Variants in PPEF1 observed in about 807,000 individuals in gnomAD.
The protein encoded by PPEF1 is protein phosphatase with EF-hand domain 1, also known as serine/threonine-protein phosphatase with EF-hands 1.
In PPEF1, 12 loss-of-function variants were observed where a neutral mutation model predicts 53.3. That is an observed-to-expected ratio of 0.23 (90% CI 0.14 to 0.36). The LOEUF is 0.36. Ranked by LOEUF, PPEF1 falls within the 10% of genes least tolerant of loss-of-function variation. The probability of loss-of-function intolerance (pLI) is 1.00; values close to 1 mark genes in which losing one functional copy is unlikely to be tolerated. For missense variants in PPEF1, 334 were observed against 490.4 expected, an observed-to-expected ratio of 0.68 and a Z score of 3.01; for synonymous variants, 165 against 176.7, an observed-to-expected ratio of 0.93 and a Z score of 0.52.
At chrX:18,767,738 A>C (rs1453240371) in intron 6 of PPEF1, among the ~76,000 whole-genome samples, 1 of 111,495 alleles carries the variant, frequency 9.0e-6, no homozygotes, top group African/African-American at 3.3e-5. Flanking sequence ...AGAGAGCATG[A>C]AGAAAGAGAA....
rs182014865 is a variant in PPEF1 at position 18,814,089 on chromosome X, A to G, written c.1395-3950A>G. 7.8e-4 allele frequency among the ~76,000 whole-genome samples: 87 copies of G among 111,473 alleles called. 1 individual carries two copies. The Middle Eastern group carries it at 0.014, about 18-fold the overall frequency. ...AGCTCCCACTTAAAAGTGAGAACATATGGCATTTGGTTTTCTGTTCCTATG... is the reference window on the plus strand; with the variant it reads ...AGCTCCCACTTAAAAGTGAGAACATGTGGCATTTGGTTTTCTGTTCCTATG... On this transcript the variant is annotated intron_variant, in intron 12 of 15. Coordinates refer to ENST00000470157, the MANE Select transcript of PPEF1 (RefSeq NM_001377996.1).
intron 1 of PPEF1, among the ~76,000 whole-genome samples, chrX:18,710,609 A>C (rs950294055): frequency 8.9e-6 from 1 of 112,038 alleles, no homozygotes; most frequent in African/African-American, 3.2e-5. Flanking sequence ...GGTAAATGCA[A>C]ATTGAAACCA....
At chrX:18,702,883 C>T (rs111535880), upstream of PPEF1, among the ~76,000 whole-genome samples, 1,576 of 111,003 alleles carry the variant, frequency 0.014, 32 homozygotes, top group African/African-American at 0.049. Context: ...AAGATCCACC[C>T]AGCGGCTCAT....
chrX:18,717,000 A>G (rs2044471957), intron 1 of PPEF1, among the ~76,000 whole-genome samples: 1 of 107,398 alleles, frequency 9.3e-6, no homozygotes, highest in Admixed American at 1.0e-4. Context: ...TCTCCTGCTC[A>G]TTCCGCTAGC....
In PPEF1 at chrX:18,783,985, C is replaced by T. The variant is rs2046149261; in HGVS notation, c.849C>T (p.Val283=). Residue 283 remains valine, a synonymous_variant, in exon 9 of 16, where the codon GTC becomes GTT. Coordinates refer to ENST00000470157, the MANE Select transcript of PPEF1 (RefSeq NM_001377996.1). ...IGTIVDNEIL[V]IHGGISETTD... is the part of the protein sequence containing the mutation. ...CAATCGTTGACAATGAAATCCTGGT[C>T]ATCCATGGTGGGATATCAGAGACCA... The T allele has an allele frequency of 8.3e-7, 1 of 1,208,996 alleles. No individual in the cohort carries two copies.
At chrX:18,745,852 G>T (rs2147446979) in intron 3 of PPEF1, among the ~76,000 whole-genome samples, 1 of 112,208 alleles carries the variant, frequency 8.9e-6, no homozygotes, top group Non-Finnish European at 1.9e-5. Flanking sequence ...GACACCAATG[G>T]TTCTGATCCA....
chrX:18,818,647 G>A (rs777852410), intron 13 of PPEF1, among the ~76,000 whole-genome samples: 1 of 111,869 alleles, frequency 8.9e-6, no homozygotes, highest in Admixed American at 9.6e-5. Flanking sequence ...GGGATTACAG[G>A]CGTGAGCCAC....
chrX:18,783,303 C>G (rs2046129128), intron 8 of PPEF1, among the ~76,000 whole-genome samples: 1 of 109,254 alleles, frequency 9.2e-6, no homozygotes. Context: ...GGTGTGGGCT[C>G]TCGGTTGCTT....
intron 1 of PPEF1, among the ~76,000 whole-genome samples, chrX:18,677,182 G>T (rs371647612): frequency 9.2e-6 from 1 of 109,183 alleles, no homozygotes; most frequent in Admixed American, 9.9e-5. Flanking sequence ...GATTACAGGC[G>T]CCCCCCCACC....
At position 18,757,744 on chromosome X, in the gene PPEF1, A is replaced by G. The variant is rs756829715; in HGVS notation, c.511+3A>G. On this transcript the variant is annotated splice_donor_region_variant and intron_variant, in intron 5 of 15. Transcript: ENST00000470157. ...CTCCAAAGAGGTAACAATCTGTGGT[A>G]AGTTTCAGAGCAGAGTTGTCCAATT... is the stretch of plus-strand genomic sequence containing the variant. 2.4e-5 allele frequency: 28 copies of G among 1,177,555 alleles called. No individual in the cohort carries two copies. Among genetic ancestry groups the G allele is most frequent in the Non-Finnish European group, 3.2e-5 (28 of 865,802 alleles).
chrX:18,792,549 T>C (rs1344834107), intron 10 of PPEF1, among the ~76,000 whole-genome samples: 1 of 111,518 alleles, frequency 9.0e-6, no homozygotes. Context: ...TTGGTAGTAA[T>C]ATTTCCTTTT....
At chrX:18,815,850 G>T (rs1328236944) in intron 12 of PPEF1, among the ~76,000 whole-genome samples, 1 of 105,841 alleles carries the variant, frequency 9.4e-6, no homozygotes, top group Admixed American at 1.0e-4. Context: ...CCTTTTATCT[G>T]CTTATGTTGG....
intron 5 of PPEF1, 105 bp downstream of exon 5, chrX:18,757,846 A>C (rs756750289): frequency 1.9e-6 from 1 of 527,227 alleles, no homozygotes; most frequent in East Asian, 3.4e-5. Flanking sequence ...TTAAGGGAAA[A>C]ATGTTAATAT....
chrX:18,758,027 G>A (rs184119044), intron 5 of PPEF1, among the ~76,000 whole-genome samples: 5 of 111,055 alleles, frequency 4.5e-5, no homozygotes, highest in Admixed American at 1.9e-4. Context: ...TTTGCCCTCC[G>A]TCTAGCTCTC....
intron 3 of PPEF1, 27 bp from the exon 4 acceptor site, chrX:18,749,765 C>G (rs763095182): frequency 3.5e-6 from 1 of 288,863 alleles, no homozygotes; most frequent in South Asian, 7.5e-5. Flanking sequence ...CCACCCCCAC[C>G]CCCCCGTTCT....
intron 10 of PPEF1, among the ~76,000 whole-genome samples, chrX:18,801,314 A>G (rs140114335): frequency 9.9e-5 from 11 of 111,603 alleles, no homozygotes; most frequent in African/African-American, 3.3e-4. Flanking sequence ...CTCTCCTGCC[A>G]GTTCTGCTCT....
upstream of PPEF1, among the ~76,000 whole-genome samples, chrX:18,681,723 C>T (rs143369056): frequency 4.6e-3 from 518 of 111,801 alleles, 7 homozygotes; most frequent in African/African-American, 0.015. Flanking sequence ...ATAGACTTGC[C>T]CAGGTGGCTT....
intron 6 of PPEF1, among the ~76,000 whole-genome samples, chrX:18,776,114 GTCC>G (rs2045960625): frequency 8.9e-6 from 1 of 112,411 alleles, no homozygotes; most frequent in African/African-American, 3.2e-5. Context: ...GCCTTCAACA[GTCC>G]TCAGGTTCCT....
intron 4 of PPEF1, among the ~76,000 whole-genome samples, chrX:18,751,206 G>A (rs1045055768): frequency 4.6e-4 from 51 of 111,273 alleles, no homozygotes; most frequent in Non-Finnish European, 8.9e-4. Flanking sequence ...TTTTTTCTTG[G>A]TTGCTTGTGC....
Sources: allele counts gnomAD v4.1 joint callset (sites outside exome capture counted in the v4.1 genomes callset), GRCh38; gene constraint gnomAD v4.1.1; transcripts MANE v1.5; gene names NCBI Gene and HGNC (gene_info 2026-07-23, HGNC 2026-07-21).